Variants in GNAO1 observed in about 807,000 individuals in gnomAD.
GNAO1 encodes the protein G protein subunit alpha o1, also known as guanine nucleotide-binding protein G(o) subunit alpha.
For missense variants in GNAO1, 166 were observed against 478.7 expected (o/e 0.35, Z 6.10); for synonymous variants, 164 against 180.7 (o/e 0.91, Z 0.74).
At chr16:56,306,119 C>G (rs1217426824) in intron 3 of GNAO1, among the ~76,000 whole-genome samples, 1 of 152,218 alleles carries the variant, frequency 6.6e-6, no homozygotes, top group African/African-American at 2.4e-5. Context: ...CCCAGTTCCA[C>G]TGCTTGCTCC....
intron 6 of GNAO1, 35 bp downstream of exon 6, chr16:56,336,895 G>C (rs12721464): frequency 6.3e-7 from 1 of 1,588,214 alleles, no homozygotes; most frequent in African/African-American, 1.3e-5. Flanking sequence ...AGGGGGCAGC[G>C]CTGAGGAGAC....
intron 3 of GNAO1, among the ~76,000 whole-genome samples, chr16:56,320,536 C>A (rs978126888): frequency 3.3e-5 from 5 of 152,176 alleles, no homozygotes; most frequent in Non-Finnish European, 7.3e-5. Flanking sequence ...GTCTGAAGCC[C>A]GCAGAAAGCT....
intron 2 of GNAO1, among the ~76,000 whole-genome samples, chr16:56,231,885 C>G (rs1268894149): frequency 6.6e-6 from 1 of 152,104 alleles, no homozygotes; most frequent in Non-Finnish European, 1.5e-5. Context: ...GAGCCTGGTC[C>G]CAGGAGAAGG....
intron 2 of GNAO1, among the ~76,000 whole-genome samples, chr16:56,228,828 C>T (rs996963126): frequency 5.4e-5 from 8 of 149,330 alleles, no homozygotes; most frequent in African/African-American, 2.1e-4. Context: ...CTGTTACCGC[C>T]CCTTCACTTA....
At chr16:56,196,340 C>T (rs2036233040) in intron 2 of GNAO1, among the ~76,000 whole-genome samples, 1 of 152,120 alleles carries the variant, frequency 6.6e-6, no homozygotes, top group South Asian at 2.1e-4. Flanking sequence ...TGTGACCTCA[C>T]CTGTGATACA....
At chr16:56,314,825 G>A (rs937521794) in intron 3 of GNAO1, among the ~76,000 whole-genome samples, 1 of 152,012 alleles carries the variant, frequency 6.6e-6, no homozygotes, top group Non-Finnish European at 1.5e-5. Flanking sequence ...GAGACCCCTC[G>A]GGGTCCACTG....
chr16:56,353,913 G>A (rs1325034993), intron 7 of GNAO1, among the ~76,000 whole-genome samples: 1 of 152,200 alleles, frequency 6.6e-6, no homozygotes, highest in Non-Finnish European at 1.5e-5. Flanking sequence ...CCAAGGAATT[G>A]GTGGGGACAG....
chr16:56,192,438 C>A (rs2036185482), intron 1 of GNAO1, 85 bp downstream of exon 1: 1 of 983,558 alleles, frequency 1.0e-6, no homozygotes, highest in South Asian at 1.4e-5. Flanking sequence ...CACTCGCGCC[C>A]GGGAGACCTG....
At chr16:56,274,163 C>T (rs1037475134) in intron 2 of GNAO1, among the ~76,000 whole-genome samples, 3 of 152,182 alleles carry the variant, frequency 2.0e-5, no homozygotes, top group Non-Finnish European at 2.9e-5. Flanking sequence ...CACCTAAAGG[C>T]GGACGCCCAG....
At chr16:56,247,526 A>C (rs2036759935) in intron 2 of GNAO1, among the ~76,000 whole-genome samples, 1 of 120,610 alleles carries the variant, frequency 8.3e-6, no homozygotes, top group East Asian at 2.6e-4. Context: ...CACATACTGG[A>C]TTATAAGTGT....
chr16:56,321,199 G>A (rs1457192713), intron 3 of GNAO1, among the ~76,000 whole-genome samples: 3 of 152,154 alleles, frequency 2.0e-5, no homozygotes, highest in Non-Finnish European at 4.4e-5. Flanking sequence ...GGACTATTTG[G>A]GGTACAAGTG....
chr16:56,345,164 G>A (rs563744303), intron 6 of GNAO1: 41 of 986,024 alleles, frequency 4.2e-5, no homozygotes, highest in South Asian at 4.7e-5. Context: ...TGACGGTGAC[G>A]CAGGTCTGGC....
chr16:56,250,033 G>A (rs1470351208), intron 2 of GNAO1, among the ~76,000 whole-genome samples: 1 of 152,190 alleles, frequency 6.6e-6, no homozygotes, highest in African/African-American at 2.4e-5. Flanking sequence ...AATGGTGGAT[G>A]GCTTGGCCAC....
chr16:56,314,621 C>T (rs1299269168), intron 3 of GNAO1, among the ~76,000 whole-genome samples: 1 of 152,210 alleles, frequency 6.6e-6, no homozygotes, highest in Non-Finnish European at 1.5e-5. Context: ...GTAGGGAGTG[C>T]AATGGCAGCT....
rs79622377 is a variant in GNAO1 at position 56,234,275 on chromosome 16, C to T, written c.162-41656C>T. 3.3e-5 allele frequency among the ~76,000 whole-genome samples: 5 copies of T among 152,388 alleles called. No homozygotes were observed. The East Asian group carries it at 7.7e-4, about 23-fold the overall frequency. On this transcript the variant is annotated intron_variant, in intron 2 of 8. Transcript: ENST00000262493. ...CCAGTAGCCACCAGCCTAGGGAATG[C>T]CAAAGGCCTAAGCAAACACTTGTGC...
chr16:56,305,191 A>G (rs2037382046), intron 3 of GNAO1, among the ~76,000 whole-genome samples: 2 of 152,180 alleles, frequency 1.3e-5, no homozygotes, highest in South Asian at 4.1e-4. Flanking sequence ...ATCTCAACGT[A>G]TAGCCTGGAG....
intron 3 of GNAO1, among the ~76,000 whole-genome samples, chr16:56,324,329 AAGGTCTTGCC>A (rs556724468): frequency 2.9e-4 from 44 of 152,238 alleles, no homozygotes; most frequent in African/African-American, 9.4e-4. Flanking sequence ...AGGTCCAGGG[AAGGTCTTGCC>A]TCGCAGGCGT....
intron 2 of GNAO1, among the ~76,000 whole-genome samples, chr16:56,220,742 T>C (rs2036477271): frequency 6.6e-6 from 1 of 151,570 alleles, no homozygotes; most frequent in Non-Finnish European, 1.5e-5. Context: ...GGGTTTTTTG[T>C]TGTTGTTGTT....
At chr16:56,201,605 A>G (rs1226269709) in intron 2 of GNAO1, among the ~76,000 whole-genome samples, 2 of 152,202 alleles carry the variant, frequency 1.3e-5, no homozygotes, top group East Asian at 1.9e-4. Flanking sequence ...CCAGTTGGGA[A>G]AAAGATTAAG....
Sources: gnomAD v4.1 joint callset for allele counts (sites outside exome capture counted in the v4.1 genomes callset) on GRCh38, gnomAD v4.1.1 for gene constraint, MANE v1.5 for transcripts, NCBI Gene and HGNC (gene_info 2026-07-23, HGNC 2026-07-21) for gene names.